Variants in DIAPH2 observed in about 807,000 individuals in gnomAD.
DIAPH2 encodes the protein protein diaphanous homolog 2.
Under a neutral mutation model 92.7 loss-of-function variants are expected in DIAPH2, and 35 were observed. The ratio of observed to expected loss-of-function variants is 0.38; its 90% CI spans 0.29 to 0.50. DIAPH2 has a LOEUF of 0.50. DIAPH2 is among the 20% of genes least tolerant of loss of function. The pLI, the probability that DIAPH2 is intolerant of heterozygous loss-of-function variation, is 0.94. For missense variants in DIAPH2, 701 were observed against 819.5 expected, an observed-to-expected ratio of 0.86 and a Z score of 1.77; for synonymous variants, 301 against 280.4, an observed-to-expected ratio of 1.07 and a Z score of -0.73.
At chrX:96,895,000 T>TAG (rs2065334358) in intron 5 of DIAPH2, among the ~76,000 whole-genome samples, 2 of 90,609 alleles carry the variant, frequency 2.2e-5, no homozygotes, top group Admixed American at 2.6e-4. Context: ...TTTTTTTTTT[T>TAG]TTTAGTTTAT....
At chrX:97,438,351 GTTT>G (rs1569397498) in intron 26 of DIAPH2, among the ~76,000 whole-genome samples, 16 of 51,340 alleles carry the variant, frequency 3.1e-4, no homozygotes, top group African/African-American at 1.2e-3. Context: ...TTTTTTTTTT[GTTT>G]GTTTGTTTTT....
At chrX:96,783,810 T>G in intron 4 of DIAPH2, among the ~76,000 whole-genome samples, 1 of 112,337 alleles carries the variant, frequency 8.9e-6, no homozygotes, top group Non-Finnish European at 1.9e-5. Flanking sequence ...TGCTGGTATC[T>G]TAAAATAACT....
intron 26 of DIAPH2, among the ~76,000 whole-genome samples, chrX:97,509,471 C>CTTTTTTTTT (rs57153955): frequency 1.5e-4 from 1 of 6,734 alleles, no homozygotes; most frequent in Non-Finnish European, 2.2e-4. Context: ...ATTCATGTTG[C>CTTTTTTTTT]TTTTTTTTTT....
chrX:96,877,061 A>G (rs1238730760), intron 4 of DIAPH2, among the ~76,000 whole-genome samples: 1 of 111,467 alleles, frequency 9.0e-6, no homozygotes, highest in Non-Finnish European at 1.9e-5. Flanking sequence ...ATAAATGGAG[A>G]GAAGCCATCT....
intron 23 of DIAPH2, among the ~76,000 whole-genome samples, chrX:97,267,432 A>C (rs938430257): frequency 8.9e-6 from 1 of 111,747 alleles, no homozygotes; most frequent in Non-Finnish European, 1.9e-5. Context: ...CCCTTTAAGA[A>C]ACAGTCAGTG....
chrX:97,488,271 G>A (rs2070702746), intron 26 of DIAPH2, among the ~76,000 whole-genome samples: 1 of 112,331 alleles, frequency 8.9e-6, no homozygotes, highest in Admixed American at 9.5e-5. Context: ...GAAATTACAG[G>A]CATGAGCCAC....
intron 4 of DIAPH2, among the ~76,000 whole-genome samples, chrX:96,871,129 C>G (rs965076851): frequency 1.8e-5 from 2 of 111,663 alleles, no homozygotes; most frequent in Non-Finnish European, 3.8e-5. Context: ...TCAAATCCTG[C>G]CCATTTTTTA....
In DIAPH2 at chrX:97,515,979, C is replaced by A. The variant is rs374461865; in HGVS notation, c.3242-83274C>A. Among the ~76,000 whole-genome samples, 10 of 110,827 alleles carry A rather than the reference C, an allele frequency of 9.0e-5. 1 individual carries two copies. The East Asian group carries it at 2.0e-3, about 22-fold the overall frequency. On this transcript the variant is annotated intron_variant, in intron 26 of 26. Coordinates refer to ENST00000324765, the MANE Select transcript of DIAPH2 (RefSeq NM_006729.5). ...ATATAAAATAAGCCATAAGGCCGGGCACCGTGGCTCATGCCTGTAATCCTA... is the reference window on the plus strand; with the variant it reads ...ATATAAAATAAGCCATAAGGCCGGGAACCGTGGCTCATGCCTGTAATCCTA...
chrX:97,570,113 T>G lies in DIAPH2; in HGVS notation c.3242-29140T>G, dbSNP rs1177761563. Among the ~76,000 whole-genome samples, 295 of 31,707 alleles carry G rather than the reference T, an allele frequency of 9.3e-3. 6 individuals carry two copies. The highest frequency in any genetic ancestry group is 0.028 in the African/African-American group (274 of 9,824). The allele number at this position is 31,707 out of a possible 115,157, so 27.5% of individuals were successfully genotyped here. A position where few individuals can be genotyped will look rare whatever the true frequency, so the allele number is the denominator to read the frequency against. ...ATATATATATATATATATATATATA[T>G]ATATATATATTAGAAGATAGATAGA... is the stretch of plus-strand genomic sequence containing the variant. On this transcript the variant is annotated intron_variant, in intron 26 of 26. Transcript: ENST00000324765.
At chrX:97,075,743 G>A (rs778361679) in intron 19 of DIAPH2, among the ~76,000 whole-genome samples, 22 of 111,616 alleles carry the variant, frequency 2.0e-4, no homozygotes, top group African/African-American at 7.2e-4. Flanking sequence ...GCTGATTATG[G>A]CTAGCACTTT....
chrX:97,327,291 G>T (rs979445523), intron 23 of DIAPH2, among the ~76,000 whole-genome samples: 3 of 109,892 alleles, frequency 2.7e-5, no homozygotes, highest in Non-Finnish European at 5.7e-5. Flanking sequence ...TAGAGACAGG[G>T]TTTCACCATG....
intron 26 of DIAPH2, among the ~76,000 whole-genome samples, chrX:97,463,849 C>G (rs1332361749): frequency 1.8e-5 from 2 of 111,332 alleles, no homozygotes; most frequent in African/African-American, 6.5e-5. Context: ...GATCTGGTTT[C>G]TAATGCTTGA....
chrX:96,980,067 G>A (rs1275465226), intron 17 of DIAPH2, among the ~76,000 whole-genome samples: 1 of 111,235 alleles, frequency 9.0e-6, no homozygotes, highest in Non-Finnish European at 1.9e-5. Context: ...AGTGTTACAG[G>A]CAAAGCGCTT....
At chrX:97,549,544 C>T (rs752459570) in intron 26 of DIAPH2, among the ~76,000 whole-genome samples, 2 of 111,595 alleles carry the variant, frequency 1.8e-5, no homozygotes, top group South Asian at 3.8e-4. Flanking sequence ...CCCCTGAATA[C>T]TTAAGTGTGT....
At chrX:97,112,782 T>TG (rs2066990787) in intron 20 of DIAPH2, among the ~76,000 whole-genome samples, 2 of 75,487 alleles carry the variant, frequency 2.6e-5, no homozygotes, top group African/African-American at 1.0e-4. Context: ...TTTTTTTTTT[T>TG]TTTTTTTTTT....
At chrX:96,787,025 T>C (rs988558180) in intron 4 of DIAPH2, among the ~76,000 whole-genome samples, 15 of 112,059 alleles carry the variant, frequency 1.3e-4, no homozygotes, top group African/African-American at 4.9e-4. Flanking sequence ...TCTTAGTTTT[T>C]GTGCTCTAGA....
intron 4 of DIAPH2, among the ~76,000 whole-genome samples, chrX:96,760,524 G>A (rs1470771418): frequency 9.0e-6 from 1 of 110,784 alleles, no homozygotes; most frequent in Admixed American, 9.6e-5. Context: ...AAATTTAAAC[G>A]TAAATCATAC....
At chrX:96,977,378 G>A (rs778983233) in intron 17 of DIAPH2, among the ~76,000 whole-genome samples, 1 of 111,542 alleles carries the variant, frequency 9.0e-6, no homozygotes, top group African/African-American at 3.3e-5. Flanking sequence ...ATGAGGGAAG[G>A]AATGTGGTCT....
At chrX:97,116,233 G>A (rs892442379) in intron 21 of DIAPH2, among the ~76,000 whole-genome samples, 14 of 111,693 alleles carry the variant, frequency 1.3e-4, no homozygotes, top group African/African-American at 4.2e-4. Context: ...TAGACATAAA[G>A]AATAACACTT....
Sources: gnomAD v4.1 joint callset for allele counts (sites outside exome capture counted in the v4.1 genomes callset) on GRCh38, gnomAD v4.1.1 for gene constraint, MANE v1.5 for transcripts, NCBI Gene and HGNC (gene_info 2026-07-23, HGNC 2026-07-21) for gene names.